The following MAP3K20 variants were observed in gnomAD, a reference collection of about 807,000 sequenced individuals.
MAP3K20 encodes mitogen-activated protein kinase kinase kinase 20.
In MAP3K20, 40 loss-of-function variants were observed where a neutral mutation model predicts 85.7. The observed-to-expected ratio is 0.47, with a 90% CI of 0.36 to 0.61. The LOEUF (loss-of-function observed/expected upper bound fraction) is 0.61. Ranked by LOEUF, MAP3K20 falls within the 20% of genes least tolerant of loss-of-function variation. The pLI is 0.00. For synonymous variants in MAP3K20, 325 were observed against 327.7 expected (o/e 0.99, Z 0.09); for missense variants, 817 against 961.7 (o/e 0.85, Z 1.99).
At chr2:173,242,792 C>T (rs563665621) in intron 16 of MAP3K20, among the ~76,000 whole-genome samples, 80 of 150,252 alleles carry the variant, frequency 5.3e-4, no homozygotes, top group Non-Finnish European at 9.2e-4. Context: ...CTGCAACCTC[C>T]GCCTCCCAGG....
intron 7 of MAP3K20, among the ~76,000 whole-genome samples, chr2:173,193,584 C>T (rs1690730031): frequency 6.6e-6 from 1 of 152,124 alleles, no homozygotes; most frequent in African/African-American, 2.4e-5. Context: ...CACACATAAA[C>T]TATAAAAGAT....
intron 2 of MAP3K20, among the ~76,000 whole-genome samples, chr2:173,142,892 T>C (rs1689017951): frequency 6.6e-6 from 1 of 152,138 alleles, no homozygotes; most frequent in Non-Finnish European, 1.5e-5. Flanking sequence ...CCAGGCACAG[T>C]GGCTCACACC....
chr2:173,095,945 C>T (rs1274369142), intron 2 of MAP3K20, among the ~76,000 whole-genome samples: 1 of 151,980 alleles, frequency 6.6e-6, no homozygotes, highest in Admixed American at 6.6e-5. Context: ...CTTTTCCCCG[C>T]AACATTTTAT....
At chr2:173,111,893 C>T (rs994497959) in intron 2 of MAP3K20, among the ~76,000 whole-genome samples, 1 of 151,782 alleles carries the variant, frequency 6.6e-6, no homozygotes, top group Admixed American at 6.6e-5. Context: ...CTTAGCTATG[C>T]ATGCTCTTTT....
chr2:173,132,487 C>T (rs1048303276), intron 2 of MAP3K20, among the ~76,000 whole-genome samples: 6 of 152,320 alleles, frequency 3.9e-5, no homozygotes, highest in African/African-American at 1.4e-4. Flanking sequence ...TACCCCTTCC[C>T]TGCCCCTCAG....
chr2:173,265,905 C>T (rs1685407883), intron 19 of MAP3K20, 145 bp from the exon 20 acceptor site: 4 of 766,772 alleles, frequency 5.2e-6, no homozygotes, highest in South Asian at 2.0e-5. Flanking sequence ...ATAAAAGAAA[C>T]GTCCTTATAC....
At chr2:173,245,743 C>T (rs921606117) in intron 16 of MAP3K20, among the ~76,000 whole-genome samples, 1 of 152,136 alleles carries the variant, frequency 6.6e-6, no homozygotes, top group Non-Finnish European at 1.5e-5. Flanking sequence ...GCCAGCCTGG[C>T]CAACATGGTG....
intron 16 of MAP3K20, among the ~76,000 whole-genome samples, chr2:173,248,267 A>T (rs1448030350): frequency 2.0e-5 from 3 of 152,162 alleles, no homozygotes; most frequent in Non-Finnish European, 4.4e-5. Flanking sequence ...GTCAGTGAGG[A>T]TGTATGGAAA....
chr2:173,175,936 C>T (rs1690140068), intron 3 of MAP3K20, among the ~76,000 whole-genome samples: 1 of 151,970 alleles, frequency 6.6e-6, no homozygotes. Flanking sequence ...ATCATGTTTC[C>T]CAAATCAGAA....
At chr2:173,255,410 G>A (rs571745313) in intron 16 of MAP3K20, among the ~76,000 whole-genome samples, 6 of 152,304 alleles carry the variant, frequency 3.9e-5, no homozygotes, top group Non-Finnish European at 5.9e-5. Context: ...TGTCAACCAC[G>A]TATTGGTCAT....
chr2:173,209,705 G>T, intron 9 of MAP3K20, 24 bp from the exon 10 acceptor site: 5 of 1,586,042 alleles, frequency 3.2e-6, no homozygotes, highest in Non-Finnish European at 4.3e-6. Flanking sequence ...CCCAGCGAAT[G>T]ATTACTTATT....
chr2:173,174,330 T>G (rs564291805), intron 3 of MAP3K20, among the ~76,000 whole-genome samples: 1 of 152,292 alleles, frequency 6.6e-6, no homozygotes, highest in East Asian at 1.9e-4. Context: ...TTAGGTATTT[T>G]TCCTAATGCT....
At chr2:173,115,243 A>G (rs1040939462) in intron 2 of MAP3K20, among the ~76,000 whole-genome samples, 2 of 152,050 alleles carry the variant, frequency 1.3e-5, no homozygotes, top group South Asian at 2.1e-4. Context: ...AGTGTGTCCA[A>G]AATTTCCTGA....
At chr2:173,135,871 G>A (rs1055343718) in intron 2 of MAP3K20, among the ~76,000 whole-genome samples, 2 of 152,144 alleles carry the variant, frequency 1.3e-5, no homozygotes, top group African/African-American at 4.8e-5. Context: ...TATTAACCAT[G>A]TATAATTTTA....
At chr2:173,087,889 G>A (rs918234110) in intron 1 of MAP3K20, among the ~76,000 whole-genome samples, 2 of 152,060 alleles carry the variant, frequency 1.3e-5, no homozygotes, top group Non-Finnish European at 2.9e-5. Context: ...CCAAGAAAGG[G>A]AAGATGCGAA....
Position 173,266,395 on chromosome 2 carries a change from G to A in MAP3K20, c.2048G>A (p.Arg683His), listed in dbSNP as rs762829961. Reference sequence around the variant, plus strand: ...GACAGAAGCAGGAACAAATATGGACGTGGTAGTATATCACTCAATTCTTCT... The same window carrying A: ...GACAGAAGCAGGAACAAATATGGACATGGTAGTATATCACTCAATTCTTCT... Reference protein sequence around the residue: ...YSDRSRNKYGRGSISLNSSPR... With the variant: ...YSDRSRNKYGHGSISLNSSPR... The change falls in exon 20 of 20, where the codon CGT (arginine) becomes CAT (histidine). Residue 683 changes from arginine (R) to histidine (H), a missense_variant. Arg to His is a conservative substitution (Grantham distance 29). Transcript: ENST00000375213. 49 of 1,614,004 alleles carry A rather than the reference G, an allele frequency of 3.0e-5. No individual in the cohort carries two copies. Among genetic ancestry groups the A allele is most frequent in the African/African-American group, 5.3e-5 (4 of 74,896 alleles).
At chr2:173,255,601 C>T (rs1685139548) in intron 16 of MAP3K20, among the ~76,000 whole-genome samples, 2 of 152,186 alleles carry the variant, frequency 1.3e-5, no homozygotes, top group Admixed American at 1.3e-4. Flanking sequence ...CTCCTGTCAG[C>T]CGCTTCTTCA....
intron 2 of MAP3K20, among the ~76,000 whole-genome samples, chr2:173,154,888 A>G (rs976743304): frequency 1.3e-5 from 2 of 152,158 alleles, no homozygotes; most frequent in African/African-American, 4.8e-5. Context: ...ATCCAACCAA[A>G]TATAATGGGA....
chr2:173,210,641 A>G (rs1683859307), intron 10 of MAP3K20: 1 of 152,208 alleles, frequency 6.6e-6, no homozygotes, highest in South Asian at 2.1e-4. Flanking sequence ...CCAGGATGAA[A>G]CATTTGAGCC....
Sources: gnomAD v4.1 joint callset for allele counts (sites outside exome capture counted in the v4.1 genomes callset) on GRCh38, gnomAD v4.1.1 for gene constraint, MANE v1.5 for transcripts, NCBI Gene and HGNC (gene_info 2026-07-23, HGNC 2026-07-21) for gene names.